Variants in MGAT4C observed in about 807,000 individuals in gnomAD.
MGAT4C encodes the protein MGAT4 family member C, also known as alpha-1,3-mannosyl-glycoprotein 4-beta-N-acetylglucosaminyltransferase C.
A neutral mutation model predicts 40.1 loss-of-function variants in MGAT4C; 19 were observed. The observed-to-expected ratio is 0.47, with a 90% CI of 0.33 to 0.70. MGAT4C has a LOEUF of 0.70. Ranked by LOEUF, MGAT4C falls within the 30% of genes least tolerant of loss-of-function variation. The pLI is 0.02. For synonymous variants in MGAT4C, 181 were observed against 187.1 expected (o/e 0.97, Z 0.27); for missense variants, 491 against 563.2 (o/e 0.87, Z 1.30).
intron 1 of MGAT4C, among the ~76,000 whole-genome samples, chr12:86,781,150 T>C (rs544200548): frequency 6.6e-6 from 1 of 152,220 alleles, no homozygotes; most frequent in African/African-American, 2.4e-5. Context: ...TATATAATAA[T>C]TGATTTTACA....
At chr12:86,809,553 A>AT (rs35012604) in intron 1 of MGAT4C, among the ~76,000 whole-genome samples, 18,190 of 151,668 alleles carry the variant, frequency 0.12, 1,260 homozygotes, top group Non-Finnish European at 0.15. Flanking sequence ...TTGGTATCCT[A>AT]TTTTTTAAAA....
At chr12:86,193,374 T>C (rs1889738960) in intron 1 of MGAT4C, among the ~76,000 whole-genome samples, 1 of 151,960 alleles carries the variant, frequency 6.6e-6, no homozygotes, top group Admixed American at 6.6e-5. Context: ...TCTCCTCACT[T>C]GCCCCACTAT....
chr12:86,216,125 T>C (rs2135973480), intron 1 of MGAT4C, among the ~76,000 whole-genome samples: 1 of 152,216 alleles, frequency 6.6e-6, no homozygotes, highest in Admixed American at 6.5e-5. Context: ...TGTACAAAAA[T>C]TATGAGCCCA....
At chr12:86,306,015 A>G (rs962123980) in intron 4 of MGAT4C, among the ~76,000 whole-genome samples, 7 of 150,482 alleles carry the variant, frequency 4.7e-5, no homozygotes, top group Admixed American at 3.3e-4. Flanking sequence ...TCTCTCCTCT[A>G]TCGAGGAAGA....
At chr12:86,789,769 A>G (rs920306134) in intron 1 of MGAT4C, among the ~76,000 whole-genome samples, 9 of 152,152 alleles carry the variant, frequency 5.9e-5, no homozygotes, top group Non-Finnish European at 1.2e-4. Flanking sequence ...AGAGCAGTGA[A>G]CACTTGCAGT....
chr12:86,578,965 T>C (rs976423621), intron 2 of MGAT4C, among the ~76,000 whole-genome samples: 4 of 151,674 alleles, frequency 2.6e-5, no homozygotes, highest in African/African-American at 9.7e-5. Flanking sequence ...CTATTTTTTC[T>C]GATATAAGTA....
chr12:86,279,657 C>T (rs1461707845), intron 4 of MGAT4C, among the ~76,000 whole-genome samples: 2 of 146,850 alleles, frequency 1.4e-5, no homozygotes, highest in African/African-American at 5.0e-5. Flanking sequence ...CTGCTCTGAT[C>T]TTTTTTTTTT....
intron 1 of MGAT4C, among the ~76,000 whole-genome samples, chr12:86,116,902 G>A (rs1473962311): frequency 6.6e-6 from 1 of 151,982 alleles, no homozygotes; most frequent in Non-Finnish European, 1.5e-5. Flanking sequence ...ATTTTAATTT[G>A]TATATAACAG....
At chr12:86,548,282 AT>A (rs915484371) in intron 2 of MGAT4C, among the ~76,000 whole-genome samples, 2 of 151,902 alleles carry the variant, frequency 1.3e-5, no homozygotes, top group African/African-American at 4.8e-5. Flanking sequence ...ATTTTTCTTG[AT>A]TTTTTTTAAT....
chr12:86,386,054 C>T (rs1026505585), intron 3 of MGAT4C, among the ~76,000 whole-genome samples: 2 of 152,168 alleles, frequency 1.3e-5, no homozygotes, highest in African/African-American at 4.8e-5. Flanking sequence ...CCTCATCCTC[C>T]TGAGTAGCTG....
intron 1 of MGAT4C, among the ~76,000 whole-genome samples, chr12:86,826,065 C>A (rs918444537): frequency 6.6e-6 from 1 of 151,330 alleles, no homozygotes; most frequent in Non-Finnish European, 1.5e-5. Context: ...ATCCAGGACC[C>A]AACAAGCTCC....
chr12:86,112,089 A>G (rs1877525724), intron 1 of MGAT4C, among the ~76,000 whole-genome samples: 1 of 151,798 alleles, frequency 6.6e-6, no homozygotes, highest in Non-Finnish European at 1.5e-5. Context: ...AATACAATAG[A>G]AAAAATGAAG....
chr12:86,161,500 T>G (rs1304088227), intron 1 of MGAT4C, among the ~76,000 whole-genome samples: 1 of 152,022 alleles, frequency 6.6e-6, no homozygotes, highest in Non-Finnish European at 1.5e-5. Flanking sequence ...TATACAAAAA[T>G]TAACTCAAAA....
intron 2 of MGAT4C, among the ~76,000 whole-genome samples, chr12:86,514,868 G>C (rs1356197216): frequency 6.6e-6 from 1 of 152,150 alleles, no homozygotes; most frequent in Non-Finnish European, 1.5e-5. Flanking sequence ...ATAATCTCTA[G>C]TAGTCAGAAG....
intron 4 of MGAT4C, among the ~76,000 whole-genome samples, chr12:86,277,010 C>G (rs1388360065): frequency 6.6e-6 from 1 of 152,198 alleles, no homozygotes; most frequent in African/African-American, 2.4e-5. Context: ...AACCTCCGAA[C>G]TGTTCTCCCT....
chr12:86,114,309 A>G (rs1375495131), intron 1 of MGAT4C, among the ~76,000 whole-genome samples: 1 of 151,934 alleles, frequency 6.6e-6, no homozygotes, highest in African/African-American at 2.4e-5. Flanking sequence ...GTCAATAGGT[A>G]GTGTACGGGT....
intron 1 of MGAT4C, among the ~76,000 whole-genome samples, chr12:86,751,120 G>T (rs2195232): frequency 0.39 from 59,179 of 151,732 alleles, 11,654 homozygotes; most frequent in Non-Finnish European, 0.42. Flanking sequence ...GGAGGGAATG[G>T]GTTCATCACT....
At chr12:86,285,218 T>C (rs1291008118) in intron 4 of MGAT4C, among the ~76,000 whole-genome samples, 1 of 151,916 alleles carries the variant, frequency 6.6e-6, no homozygotes, top group African/African-American at 2.4e-5. Context: ...TATTTTGCTG[T>C]AGGAATGAAG....
chr12:86,159,532 C>A (rs1386135920), intron 1 of MGAT4C, among the ~76,000 whole-genome samples: 4 of 151,682 alleles, frequency 2.6e-5, no homozygotes, highest in Admixed American at 2.6e-4. Flanking sequence ...GCTGATGCTG[C>A]CTTCATAGAA....
Sources: gnomAD v4.1 joint callset for allele counts (sites outside exome capture counted in the v4.1 genomes callset) on GRCh38, gnomAD v4.1.1 for gene constraint, MANE v1.5 for transcripts, NCBI Gene and HGNC (gene_info 2026-07-23, HGNC 2026-07-21) for gene names.